Variants in RP9 observed in about 807,000 individuals in gnomAD.
RP9 encodes the protein retinitis pigmentosa 9 protein.
A neutral mutation model predicts 32.6 loss-of-function variants in RP9; 23 were observed. The observed-to-expected ratio is 0.71, with a 90% CI of 0.51 to 1.00. RP9 has a LOEUF of 1.00. Among genes scored for constraint, RP9 ranks in the 50% least tolerant of loss-of-function variants. The pLI, the probability that RP9 is intolerant of heterozygous loss-of-function variation, is 0.00. For synonymous variants in RP9, 94 were observed against 103.6 expected (o/e 0.91, Z 0.56); for missense variants, 245 against 285.3 (o/e 0.86, Z 1.02).
intron 1 of RP9, among the ~76,000 whole-genome samples, chr7:33,103,712 T>A (rs904738677): frequency 6.6e-5 from 10 of 152,204 alleles, no homozygotes; most frequent in Middle Eastern, 3.4e-3. Flanking sequence ...CCAGCTACTC[T>A]GTAGGCTGAT....
chr7:33,103,457 CCTT>C (rs1484198209), intron 1 of RP9, among the ~76,000 whole-genome samples: 1 of 152,180 alleles, frequency 6.6e-6, no homozygotes, highest in Admixed American at 6.5e-5. Context: ...ACAAACAACA[CCTT>C]CTCTCTTTTT....
intron 3 of RP9, among the ~76,000 whole-genome samples, chr7:33,097,898 G>A (rs1311649646): frequency 6.6e-6 from 1 of 152,064 alleles, no homozygotes; most frequent in Non-Finnish European, 1.5e-5. Flanking sequence ...GGGATTACAG[G>A]CGTGAGCCAC....
chr7:33,100,361 G>T, intron 2 of RP9, 170 bp downstream of exon 2: 1 of 690,464 alleles, frequency 1.4e-6, no homozygotes, highest in Non-Finnish European at 2.6e-6. Context: ...TTCTGCAAAG[G>T]CAGAGGCTTG....
At position 33,095,414 on chromosome 7, in the gene RP9, C is replaced by G; in HGVS notation, c.486G>C (p.Gln162His). The G allele has an allele frequency of 6.2e-7, 1 of 1,613,852 alleles. No homozygotes were observed. Among genetic ancestry groups the G allele is most frequent in the Non-Finnish European group, 8.5e-7 (1 of 1,179,856 alleles). Reference protein sequence around the residue: ...EKDVRIQQLKQLLEDSTSDED... With the variant: ...EKDVRIQQLKHLLEDSTSDED... Reference sequence around the variant, plus strand: ...CATCTGAGGTAGAATCCTCCAGTAACTGTTTTAACTGCTGTATCCTAAACA... The same window carrying G: ...CATCTGAGGTAGAATCCTCCAGTAAGTGTTTTAACTGCTGTATCCTAAACA... The change falls in exon 6 of 6, where the codon CAG becomes CAC. Residue 162 changes from glutamine (Q) to histidine (H), a missense_variant. Coordinates refer to ENST00000297157, the MANE Select transcript of RP9 (RefSeq NM_203288.2).
intron 1 of RP9, among the ~76,000 whole-genome samples, chr7:33,103,067 A>G (rs893265609): frequency 6.6e-6 from 1 of 152,262 alleles, no homozygotes; most frequent in African/African-American, 2.4e-5. Context: ...TAAAAATGAC[A>G]GTGAAAAAAT....
intron 1 of RP9, among the ~76,000 whole-genome samples, chr7:33,108,419 G>A (rs1048141521): frequency 2.0e-5 from 3 of 152,320 alleles, no homozygotes; most frequent in African/African-American, 7.2e-5. Flanking sequence ...ATGACTTTGA[G>A]CTATAAGTAA....
rs868393609 is a variant in RP9 at position 33,109,183 on chromosome 7, G to A, written c.152+38C>T. 2.0e-6 allele frequency: 3 copies of A among 1,482,340 alleles called. No homozygotes were observed. The highest frequency in any genetic ancestry group is 2.7e-6 in the Non-Finnish European group (3 of 1,117,940). The allele number at this position is 1,482,340 out of a possible 1,614,324, so 91.8% of individuals were successfully genotyped here. On this transcript the variant is annotated intron_variant, in intron 1 of 5. Transcript: ENST00000297157. The surrounding 1 kb of genome is among the most constrained non-coding windows in gnomAD (Gnocchi z 4.9). ...CCCGCGCCCCGGGCCCCTGGCTTCA[G>A]AAGACTGGCCGCGCGCGGACGGCAG...
At chr7:33,098,836 AG>A (rs1788380852) in intron 3 of RP9, among the ~76,000 whole-genome samples, 1 of 152,202 alleles carries the variant, frequency 6.6e-6, no homozygotes, top group Non-Finnish European at 1.5e-5. Context: ...CCCATTTTGA[AG>A]GTAACAGCCA....
At chr7:33,104,293 G>A (rs907980022) in intron 1 of RP9, among the ~76,000 whole-genome samples, 4 of 152,038 alleles carry the variant, frequency 2.6e-5, no homozygotes, top group Non-Finnish European at 5.9e-5. Flanking sequence ...AACACACACT[G>A]GGGCCCACTT....
Position 33,099,397 on chromosome 7 carries a change from G to A in RP9, c.223C>T (p.Pro75Ser). Residue 75 changes from proline (P) to serine (S), a missense_variant, in exon 3 of 6, where the codon CCA becomes TCA. Pro to Ser is a moderately conservative substitution (Grantham distance 74). This residue lies in a region of RP9 where 182 missense variants were observed against 175.5 expected (regional missense o/e 1.04). Transcript: ENST00000297157. ...TKPEDCIPDV[P>S]GNEHAREFLA... ...AATTCCCTGGCGTGTTCATTGCCTGGTACATCTGGTATGCAATCTTCTGGC... is the reference window on the plus strand; with the variant it reads ...AATTCCCTGGCGTGTTCATTGCCTGATACATCTGGTATGCAATCTTCTGGC... The A allele has an allele frequency of 6.2e-7, 1 of 1,613,296 alleles. No individual in the cohort carries two copies. Among genetic ancestry groups the A allele is most frequent in the Non-Finnish European group, 8.5e-7 (1 of 1,179,880 alleles).
At chr7:33,103,465 C>T (rs1788456676) in intron 1 of RP9, among the ~76,000 whole-genome samples, 1 of 152,226 alleles carries the variant, frequency 6.6e-6, no homozygotes, top group Non-Finnish European at 1.5e-5. Flanking sequence ...CACCTTCTCT[C>T]TTTTTTCTCT....
Position 33,099,400 on chromosome 7 carries a change from C to T in RP9, c.220G>A (p.Val74Ile), listed in dbSNP as rs1316005370. The T allele has an allele frequency of 1.9e-6, 3 of 1,613,480 alleles. No homozygotes were observed. Among genetic ancestry groups the T allele is most frequent in the Middle Eastern group, 3.3e-4 (2 of 6,062 alleles). Residue 74 changes from valine (V) to isoleucine (I), a missense_variant, in exon 3 of 6, where the codon GTA becomes ATA. Val to Ile is a conservative substitution (Grantham distance 29). Coordinates refer to ENST00000297157, the MANE Select transcript of RP9 (RefSeq NM_203288.2). Reference protein sequence around the residue: ...ETKPEDCIPDVPGNEHAREFL... With the variant: ...ETKPEDCIPDIPGNEHAREFL... ...TCCCTGGCGTGTTCATTGCCTGGTA[C>T]ATCTGGTATGCAATCTTCTGGCTTA... is the stretch of plus-strand genomic sequence containing the variant.
intron 3 of RP9, 128 bp downstream of exon 3, chr7:33,099,163 GGATGCTTCCTTATCTA>G: frequency 1.1e-6 from 1 of 916,780 alleles, no homozygotes; most frequent in Non-Finnish European, 1.8e-6. Flanking sequence ...GGGGTGGGGT[GGATGCTTCCTTATCTA>G]GAAGATGGAG....
At chr7:33,109,404 CCG>C, upstream of RP9, 2 of 1,103,876 alleles carry the variant, frequency 1.8e-6, no homozygotes, top group Non-Finnish European at 2.2e-6. The surrounding 1 kb of genome is among the most constrained non-coding windows in gnomAD (Gnocchi z 4.9). Flanking sequence ...CGGGCAACCC[CCG>C]CGGCGCGGCT....
chr7:33,105,681 G>A (rs761772656), intron 1 of RP9, among the ~76,000 whole-genome samples: 67 of 152,276 alleles, frequency 4.4e-4, no homozygotes, highest in Middle Eastern at 3.4e-3. Context: ...TATCTGGGAG[G>A]AAGTAATCGT....
chr7:33,095,268 G>C lies in RP9; in HGVS notation c.632C>G (p.Ser211Cys), dbSNP rs201702563. 1.0e-4 allele frequency: 164 copies of C among 1,613,214 alleles called. No homozygotes were observed. Among genetic ancestry groups the C allele is most frequent in the Middle Eastern group, 3.3e-4 (2 of 6,054 alleles). The stretch of plus-strand genomic sequence containing the variant: ...GTCAGAACCCTCATTTGACTTGGAA[G>C]ATTTGTGCTTCCGTTTTTTCTTCTT... ...KKKKKKRKHK[S>C]SKSNEGSDSE Residue 211 changes from serine to cysteine, a missense_variant, in exon 6 of 6, where the codon TCT (serine) becomes TGT (cysteine). Coordinates refer to ENST00000297157, the MANE Select transcript of RP9 (RefSeq NM_203288.2).
intron 1 of RP9, among the ~76,000 whole-genome samples, chr7:33,104,724 G>A (rs937426309): frequency 6.6e-6 from 1 of 152,074 alleles, no homozygotes; most frequent in Non-Finnish European, 1.5e-5. Flanking sequence ...GGGACTACAG[G>A]TCCATATCAT....
intron 2 of RP9, among the ~76,000 whole-genome samples, chr7:33,099,829 T>C (rs185528670): frequency 1.3e-3 from 198 of 152,332 alleles, no homozygotes; most frequent in Non-Finnish European, 2.5e-3. Flanking sequence ...GAATAGTTTA[T>C]TATACCCTGA....
Position 33,107,822 on chromosome 7 carries a change from C to A in RP9, c.152+1399G>T, listed in dbSNP as rs989609762. 1.7e-4 allele frequency among the ~76,000 whole-genome samples: 26 copies of A among 152,102 alleles called. 2 individuals carry two copies. The highest frequency in any genetic ancestry group is 9.6e-4 in the East Asian group (5 of 5,196). ...AAAGAACTGTTTTCAAAGAGGGCACCCCCATAACCAGAATAGGTCCAGAGC... is the reference window on the plus strand; with the variant it reads ...AAAGAACTGTTTTCAAAGAGGGCACACCCATAACCAGAATAGGTCCAGAGC... On this transcript the variant is annotated intron_variant, in intron 1 of 5. Coordinates refer to ENST00000297157, the MANE Select transcript of RP9 (RefSeq NM_203288.2).
Sources: gnomAD v4.1 joint callset for allele counts (sites outside exome capture counted in the v4.1 genomes callset) on GRCh38, gnomAD v4.1.1 for gene constraint, gnomAD v4.1.1 regional missense constraint, Gnocchi (gnomAD v3.1) non-coding constraint, MANE v1.5 for transcripts, NCBI Gene and HGNC (gene_info 2026-07-23, HGNC 2026-07-21) for gene names.